POLQ: variants seen among roughly 807,000 people sequenced by gnomAD.
POLQ encodes the protein epididymis secretory sperm binding protein.
Under a neutral mutation model 259.2 loss-of-function variants are expected in POLQ, and 233 were observed. That is an observed-to-expected ratio of 0.90 (90% CI 0.81 to 1.00). The LOEUF (loss-of-function observed/expected upper bound fraction) is 1.00. POLQ is among the 50% of genes least tolerant of loss of function. POLQ has a pLI of 0.00. For missense variants in POLQ, 2,871 were observed against 3,051.6 expected (o/e 0.94, Z 1.39); for synonymous variants, 1,025 against 1,048.8 (o/e 0.98, Z 0.44).
intron 26 of POLQ, among the ~76,000 whole-genome samples, chr3:121,441,162 G>C (rs1028859591): frequency 1.2e-4 from 19 of 152,084 alleles, no homozygotes; most frequent in African/African-American, 4.6e-4. Flanking sequence ...GAAAGAAAAG[G>C]GTGAGATTTA....
chr3:121,449,488 C>A (rs1002585997), intron 25 of POLQ, 62 bp from the exon 26 acceptor site: 16 of 895,512 alleles, frequency 1.8e-5, no homozygotes, highest in Non-Finnish European at 2.8e-5. Context: ...TAAAAGGGTT[C>A]ATTAGGATGC....
At chr3:121,525,570 GT>G (rs1560106963) in intron 7 of POLQ, among the ~76,000 whole-genome samples, 4 of 152,018 alleles carry the variant, frequency 2.6e-5, no homozygotes, top group African/African-American at 4.8e-5. Context: ...ATTTCTGCCT[GT>G]TTTTGCTTTT....
At chr3:121,444,530 T>A (rs994720214) in intron 26 of POLQ, among the ~76,000 whole-genome samples, 1 of 152,194 alleles carries the variant, frequency 6.6e-6, no homozygotes, top group African/African-American at 2.4e-5. Flanking sequence ...TAAGATCATA[T>A]CTTCTACAAA....
chr3:121,509,265 T>C (rs2048233444), intron 12 of POLQ, among the ~76,000 whole-genome samples: 1 of 152,230 alleles, frequency 6.6e-6, no homozygotes, highest in Non-Finnish European at 1.5e-5. Flanking sequence ...TTTAATTTTC[T>C]GATATCCCAT....
At chr3:121,449,494 G>A (rs2047656112) in intron 25 of POLQ, 68 bp from the exon 26 acceptor site, 1 of 880,924 alleles carries the variant, frequency 1.1e-6, no homozygotes, top group Non-Finnish European at 1.9e-6. Flanking sequence ...GGTTCATTAG[G>A]ATGCGAATTT....
intron 26 of POLQ, among the ~76,000 whole-genome samples, chr3:121,441,286 C>G (rs1196278398): frequency 6.6e-6 from 1 of 152,076 alleles, no homozygotes; most frequent in African/African-American, 2.4e-5. Context: ...AATTTACATG[C>G]AACAAAATAC....
At chr3:121,438,138 A>G (rs902530598) in intron 27 of POLQ, among the ~76,000 whole-genome samples, 11 of 152,200 alleles carry the variant, frequency 7.2e-5, no homozygotes, top group African/African-American at 2.7e-4. Context: ...TCAGTACAAC[A>G]AAAGTTTGAA....
chr3:121,446,986 TTTG>T (rs763497903), intron 26 of POLQ, among the ~76,000 whole-genome samples: 49 of 152,218 alleles, frequency 3.2e-4, no homozygotes, highest in Non-Finnish European at 6.8e-4. Context: ...ACAACATCAT[TTTG>T]TTGTTTACTG....
At chr3:121,508,765 C>T (rs562540599) in intron 12 of POLQ, among the ~76,000 whole-genome samples, 1 of 152,300 alleles carries the variant, frequency 6.6e-6, no homozygotes, top group South Asian at 2.1e-4. Context: ...TCCTGATAAG[C>T]CCCCTTCATT....
At chr3:121,455,354 C>CT (rs1464292433) in intron 25 of POLQ, among the ~76,000 whole-genome samples, 1 of 144,036 alleles carries the variant, frequency 6.9e-6, no homozygotes, top group Non-Finnish European at 1.5e-5. Context: ...CATTCAAAAG[C>CT]TAGCAGAAGG....
rs968734935 is a variant in POLQ at position 121,487,362 on chromosome 3, C to T, written c.5569G>A (p.Glu1857Lys). Residue 1857 changes from glutamate to lysine, a missense_variant, in exon 16 of 30, where the codon GAA becomes AAA. Glu to Lys is a moderately conservative substitution (Grantham distance 56). Coordinates refer to ENST00000264233, the MANE Select transcript of POLQ (RefSeq NM_199420.4). ...KKRFSISLAC[E>K]KIRSLTSSKT... is the part of the protein sequence containing the mutation. ...GAAGATGTCAAACTTCTAATCTTTTCACAAGCCAGTGAGATGGAAAATCGC... is the reference window on the plus strand; with the variant it reads ...GAAGATGTCAAACTTCTAATCTTTTTACAAGCCAGTGAGATGGAAAATCGC... The T allele has an allele frequency of 1.9e-6, 3 of 1,613,446 alleles. No homozygotes were observed. The African/African-American group carries it at 4.0e-5, about 22-fold the overall frequency.
At chr3:121,455,665 G>A (rs992633345) in intron 25 of POLQ, among the ~76,000 whole-genome samples, 10 of 151,984 alleles carry the variant, frequency 6.6e-5, no homozygotes, top group African/African-American at 2.2e-4. Flanking sequence ...ACACACACAC[G>A]CTCCCAAGAC....
intron 13 of POLQ, 76 bp downstream of exon 13, chr3:121,498,401 C>T: frequency 1.0e-6 from 1 of 960,382 alleles, no homozygotes; most frequent in Non-Finnish European, 1.5e-6. Context: ...ATGAAAGTGA[C>T]TACAATAAAC....
chr3:121,445,778 G>A (rs2047627985), intron 26 of POLQ, among the ~76,000 whole-genome samples: 1 of 151,714 alleles, frequency 6.6e-6, no homozygotes, highest in South Asian at 2.1e-4. Context: ...CAGGAAAATT[G>A]CTTGAACCCA....
In POLQ at chr3:121,493,466, G is replaced by A; in HGVS notation, c.2522+12C>T. The A allele has an allele frequency of 2.5e-6, 4 of 1,601,846 alleles. No homozygotes were observed. The highest frequency in any genetic ancestry group is 3.4e-6 in the Non-Finnish European group (4 of 1,170,886). On this transcript the variant is annotated intron_variant, in intron 15 of 29. Coordinates refer to ENST00000264233, the MANE Select transcript of POLQ (RefSeq NM_199420.4). ...ATTTCATAAGCCCATGTAGGTAAAG[G>A]TATTTTCTTACCTTTTGAAAGGCAC...
At chr3:121,529,841 C>G (rs2048398344) in intron 6 of POLQ, 49 bp from the exon 7 acceptor site, 1 of 1,439,302 alleles carries the variant, frequency 6.9e-7, no homozygotes, top group Non-Finnish European at 9.4e-7. Flanking sequence ...TCAAAAGATT[C>G]TCACATCAGT....
intron 15 of POLQ, among the ~76,000 whole-genome samples, chr3:121,490,613 T>C (rs1055573322): frequency 1.3e-5 from 2 of 152,078 alleles, no homozygotes; most frequent in Non-Finnish European, 2.9e-5. Flanking sequence ...TATTACCTGG[T>C]GATAAGAGTT....
chr3:121,538,278 G>A (rs1445262727), intron 4 of POLQ, among the ~76,000 whole-genome samples: 1 of 151,984 alleles, frequency 6.6e-6, no homozygotes, highest in East Asian at 1.9e-4. Context: ...TGATCACAAT[G>A]TCCTTCACTA....
rs1197253654 is a variant in POLQ, at chr3:121,473,804, C to G, written c.6406-317G>C. Among the ~76,000 whole-genome samples the G allele has an allele frequency of 2.7e-4, 39 of 146,534 alleles. 2 individuals are homozygous for G. Among genetic ancestry groups the G allele is most frequent in the Non-Finnish European group, 3.0e-5 (2 of 67,032 alleles). ...TGTAGTGGTGTGATCACAGCTCACT[C>G]TAGCCTTGACTTCCTGGGCTCAAGT... is the stretch of plus-strand genomic sequence containing the variant. On this transcript the variant is annotated intron_variant, in intron 20 of 29. Transcript: ENST00000264233.
Sources: gnomAD v4.1 joint callset for allele counts (sites outside exome capture counted in the v4.1 genomes callset) on GRCh38, gnomAD v4.1.1 for gene constraint, MANE v1.5 for transcripts, NCBI Gene and HGNC (gene_info 2026-07-23, HGNC 2026-07-21) for gene names.